ALG9: variants seen among roughly 807,000 people sequenced by gnomAD.
The protein encoded by ALG9 is ALG9 alpha-1,2-mannosyltransferase.
ALG9 carries 55 observed loss-of-function variants against 81.8 expected under a neutral mutation model. That is an observed-to-expected ratio of 0.67 (90% CI 0.54 to 0.84). The LOEUF (loss-of-function observed/expected upper bound fraction) is 0.84. Ranked by LOEUF, ALG9 falls within the 40% of genes least tolerant of loss-of-function variation. ALG9 has a pLI of 0.00. For missense variants in ALG9, 629 were observed against 745.0 expected, an observed-to-expected ratio of 0.84 and a Z score of 1.81; for synonymous variants, 278 against 274.3, an observed-to-expected ratio of 1.01 and a Z score of -0.13.
At chr11:111,818,804 C>T (rs1384637766) in intron 13 of ALG9, among the ~76,000 whole-genome samples, 1 of 151,868 alleles carries the variant, frequency 6.6e-6, no homozygotes, top group African/African-American at 2.4e-5. Context: ...AAGTAAATGT[C>T]TACTTAACAA....
At position 111,853,407 on chromosome 11, in the gene ALG9, A is replaced by G. The variant is rs1555140562; in HGVS notation, c.868T>C (p.Phe290Leu). The G allele has an allele frequency of 1.2e-6, 2 of 1,613,858 alleles. No individual in the cohort carries two copies. Among genetic ancestry groups the G allele is most frequent in the African/African-American group, 2.7e-5 (2 of 74,932 alleles). Residue 290 changes from phenylalanine (F) to leucine (L), a missense_variant, in exon 8 of 15, where the codon TTT becomes CTT. Phe to Leu is a conservative substitution (Grantham distance 22). Transcript: ENST00000616540. ...TAAAGATCAGGTCCATGAGGAGTAA[A>G]GACATTATACAAAACAATGTTGAGT... Reference protein sequence around the residue: ...APLNIVLYNVFTPHGPDLYGT... With the variant: ...APLNIVLYNVLTPHGPDLYGT...
At chr11:111,844,512 A>T in intron 9 of ALG9, 89 bp downstream of exon 9, 2 of 1,570,242 alleles carry the variant, frequency 1.3e-6, no homozygotes, top group Admixed American at 3.4e-5. Context: ...TGTGGAAAAT[A>T]AAGTAAGTAG....
At chr11:111,795,822 A>G (rs184349383) in intron 14 of ALG9, among the ~76,000 whole-genome samples, 56 of 152,320 alleles carry the variant, frequency 3.7e-4, no homozygotes, top group Non-Finnish European at 7.4e-4. Flanking sequence ...GGAACTGGGG[A>G]AAAATGCTAT....
intron 4 of ALG9, among the ~76,000 whole-genome samples, chr11:111,864,627 T>A (rs1555150954): frequency 6.6e-6 from 1 of 152,158 alleles, no homozygotes; most frequent in African/African-American, 2.4e-5. Flanking sequence ...CTGAATTTCA[T>A]GAATTTCTAT....
At chr11:111,792,590 C>A (rs1197710306) in intron 14 of ALG9, among the ~76,000 whole-genome samples, 2 of 152,196 alleles carry the variant, frequency 1.3e-5, no homozygotes, top group African/African-American at 2.4e-5. Flanking sequence ...GACTTAGCTA[C>A]ATCATGAGAT....
intron 13 of ALG9, among the ~76,000 whole-genome samples, chr11:111,822,407 T>G (rs1234318784): frequency 1.5e-4 from 1 of 6,806 alleles, no homozygotes; most frequent in African/African-American, 6.8e-4. Context: ...CAACTCAGTC[T>G]CAAAAAAAAA....
chr11:111,794,855 G>C (rs1392569164), intron 14 of ALG9, among the ~76,000 whole-genome samples: 2 of 152,192 alleles, frequency 1.3e-5, no homozygotes, highest in East Asian at 3.8e-4. Context: ...GGCTTTTGCA[G>C]CTATCTTCAG....
intron 14 of ALG9, among the ~76,000 whole-genome samples, 191 bp downstream of exon 14, chr11:111,809,452 C>T (rs1555088791): frequency 6.6e-6 from 1 of 151,986 alleles, no homozygotes; most frequent in Non-Finnish European, 1.5e-5. Context: ...ATCACTTGAA[C>T]CCAGGAGTCA....
intron 8 of ALG9, among the ~76,000 whole-genome samples, chr11:111,850,437 G>A (rs1220036332): frequency 1.3e-5 from 2 of 152,090 alleles, no homozygotes; most frequent in Non-Finnish European, 2.9e-5. Flanking sequence ...CAGGCATGGT[G>A]GCTCATGCCT....
chr11:111,820,345 C>T (rs1378083411), intron 13 of ALG9, among the ~76,000 whole-genome samples: 1 of 151,472 alleles, frequency 6.6e-6, no homozygotes, highest in African/African-American at 2.4e-5. Flanking sequence ...AAGGTGCCGG[C>T]GCCTGGTAAG....
the ALG9 span, among the ~76,000 whole-genome samples, chr11:111,776,451 G>T: frequency 6.6e-6 from 1 of 152,080 alleles, no homozygotes; most frequent in Non-Finnish European, 1.5e-5. Flanking sequence ...TTAGCCAGGC[G>T]TGGTGGCGTA....
At chr11:111,859,868 A>G (rs1959423772) in intron 5 of ALG9, among the ~76,000 whole-genome samples, 1 of 152,018 alleles carries the variant, frequency 6.6e-6, no homozygotes, top group Non-Finnish European at 1.5e-5. Context: ...AAATTGAGAC[A>G]ATTATATCCA....
At chr11:111,807,095 C>T (rs1950037198) in intron 14 of ALG9, among the ~76,000 whole-genome samples, 2 of 152,180 alleles carry the variant, frequency 1.3e-5, no homozygotes, top group African/African-American at 4.8e-5. Flanking sequence ...GGTATCCCTG[C>T]TTCTATTCTT....
chr11:111,822,408 CAA>C (rs56367678), intron 13 of ALG9, among the ~76,000 whole-genome samples: 1 of 66,548 alleles, frequency 1.5e-5, no homozygotes, highest in African/African-American at 6.7e-5. Context: ...AACTCAGTCT[CAA>C]AAAAAAAAAA....
At chr11:111,841,476 T>A (rs1164648758) in intron 9 of ALG9, among the ~76,000 whole-genome samples, 22 of 152,168 alleles carry the variant, frequency 1.4e-4, no homozygotes, top group Admixed American at 1.4e-3. Flanking sequence ...TGTGAAAGAA[T>A]TAAAGGAATG....
At chr11:111,800,030 T>C (rs1369210645) in intron 14 of ALG9, among the ~76,000 whole-genome samples, 5 of 152,206 alleles carry the variant, frequency 3.3e-5, no homozygotes, top group Non-Finnish European at 7.3e-5. Flanking sequence ...TCTCCACAGG[T>C]CCCTCCTTTC....
intron 13 of ALG9, among the ~76,000 whole-genome samples, chr11:111,815,206 C>A (rs553167632): frequency 2.0e-5 from 3 of 152,270 alleles, no homozygotes; most frequent in South Asian, 4.1e-4. Flanking sequence ...AAGGCCCAAT[C>A]TGAGCAACAT....
At chr11:111,791,261 A>G (rs1361233418) in intron 14 of ALG9, among the ~76,000 whole-genome samples, 3 of 152,230 alleles carry the variant, frequency 2.0e-5, no homozygotes, top group African/African-American at 7.2e-5. Context: ...CAGATTATGA[A>G]TGATACATCA....
At chr11:111,791,543 T>A (rs1947409245) in intron 14 of ALG9, among the ~76,000 whole-genome samples, 2 of 152,220 alleles carry the variant, frequency 1.3e-5, no homozygotes, top group Admixed American at 1.3e-4. Flanking sequence ...GTGGGCTGAA[T>A]AAATCCCAAA....
Sources: gnomAD v4.1 joint callset for allele counts (sites outside exome capture counted in the v4.1 genomes callset) on GRCh38, gnomAD v4.1.1 for gene constraint, MANE v1.5 for transcripts, NCBI Gene and HGNC (gene_info 2026-07-23, HGNC 2026-07-21) for gene names.